The following HDGF variants were observed in gnomAD, a reference collection of about 807,000 sequenced individuals.
HDGF encodes the protein heparin binding growth factor, also known as hepatoma-derived growth factor.
HDGF carries 5 observed loss-of-function variants against 30.0 expected under a neutral mutation model. That is an observed-to-expected ratio of 0.17 (90% CI 0.09 to 0.35). The LOEUF is 0.35. Among genes scored for constraint, HDGF ranks in the 10% least tolerant of loss-of-function variants. HDGF has a pLI of 1.00. For synonymous variants in HDGF, 133 were observed against 112.7 expected, an observed-to-expected ratio of 1.18 and a Z score of -1.14; for missense variants, 214 against 302.8, an observed-to-expected ratio of 0.71 and a Z score of 2.18.
chr1:156,744,185 C>A lies in HDGF; in HGVS notation c.467G>T (p.Arg156Met). ...KEKNEKGALKRRAGDLLEDSP... is the reference protein window; with the variant it reads ...KEKNEKGALKMRAGDLLEDSP... Reference sequence around the variant, plus strand: ...TACCTCCAGCAAGTCCCCTGCTCTCCTCTTCAACGCTCCTTTCTCGTTCTT... The same window carrying A: ...TACCTCCAGCAAGTCCCCTGCTCTCATCTTCAACGCTCCTTTCTCGTTCTT... The change falls in exon 4 of 6, where the codon AGG becomes ATG. Residue 156 changes from arginine to methionine, a missense_variant. Physicochemically the swap from Arg to Met is moderately conservative, Grantham distance 91. This residue lies in a region of HDGF where 176 missense variants were observed against 211.7 expected (regional missense o/e 0.83). Transcript: ENST00000357325. 2 of 1,614,116 alleles carry A rather than the reference C, an allele frequency of 1.2e-6. No homozygotes were observed. The highest frequency in any genetic ancestry group is 1.7e-6 in the Non-Finnish European group (2 of 1,180,010).
intron 1 of HDGF, chr1:156,747,446 A>G (rs1650660815): frequency 6.6e-6 from 1 of 152,018 alleles, no homozygotes; most frequent in African/African-American, 2.4e-5. Context: ...TGGAGCAGGG[A>G]CAGAGGAGTC....
intron 1 of HDGF, among the ~76,000 whole-genome samples, chr1:156,764,746 C>T (rs1007671007): frequency 1.3e-5 from 2 of 151,602 alleles, no homozygotes; most frequent in African/African-American, 4.8e-5. Flanking sequence ...ATTAGCTGGG[C>T]ATGGCGGTGC....
intron 1 of HDGF, among the ~76,000 whole-genome samples, chr1:156,765,447 T>C (rs1406514514): frequency 7.0e-6 from 1 of 142,316 alleles, no homozygotes; most frequent in African/African-American, 2.6e-5. Context: ...TTCCTTTCTT[T>C]CCTTCTTTCC....
chr1:156,749,412 CTG>C (rs1650816296), intron 1 of HDGF, among the ~76,000 whole-genome samples: 1 of 152,210 alleles, frequency 6.6e-6, no homozygotes, highest in South Asian at 2.1e-4. Flanking sequence ...TACAAGGGGA[CTG>C]TGTCTGGGAG....
intron 3 of HDGF, chr1:156,744,709 G>C (rs952791492): frequency 1.7e-6 from 1 of 597,520 alleles, no homozygotes; most frequent in African/African-American, 2.0e-5. Context: ...TTTGTGGAAA[G>C]AGTTAAGGCT....
chr1:156,744,145 T>C lies in HDGF; in HGVS notation c.489+18A>G. Reference sequence around the variant, plus strand: ...GGAATGTTGAGGGGGGCCCAGGCCCTGGGCAGGCAGCAGTTACCTCCAGCA... The same window carrying C: ...GGAATGTTGAGGGGGGCCCAGGCCCCGGGCAGGCAGCAGTTACCTCCAGCA... On this transcript the variant is annotated intron_variant, in intron 4 of 5. Transcript: ENST00000357325. 2 of 1,612,700 alleles carry C rather than the reference T, an allele frequency of 1.2e-6. No individual in the cohort carries two copies. The highest frequency in any genetic ancestry group is 1.7e-6 in the Non-Finnish European group (2 of 1,178,732).
intron 1 of HDGF, among the ~76,000 whole-genome samples, chr1:156,762,562 C>T (rs1651268132): frequency 6.6e-6 from 1 of 151,766 alleles, no homozygotes. Flanking sequence ...CTGGTTGGGG[C>T]TTGTCATACT....
chr1:156,764,434 G>A (rs1048064268), intron 1 of HDGF, among the ~76,000 whole-genome samples: 4 of 151,478 alleles, frequency 2.6e-5, no homozygotes, highest in African/African-American at 4.9e-5. Context: ...TGACCTCAGG[G>A]GATCCGCCCG....
chr1:156,767,304 C>T (rs779031559), upstream of HDGF, among the ~76,000 whole-genome samples: 2 of 152,102 alleles, frequency 1.3e-5, no homozygotes, highest in Non-Finnish European at 2.9e-5. Context: ...TTGTAGTCAC[C>T]TCGGAATTGT....
chr1:156,766,364 C>A (rs527612967), intron 1 of HDGF, among the ~76,000 whole-genome samples: 1 of 152,300 alleles, frequency 6.6e-6, no homozygotes, highest in South Asian at 2.1e-4. Flanking sequence ...AATCTGGGAA[C>A]AGGGAGGTGG....
upstream of HDGF, chr1:156,752,339 C>A (rs1216401372): frequency 6.4e-7 from 1 of 1,551,750 alleles, no homozygotes; most frequent in Non-Finnish European, 8.7e-7. Flanking sequence ...AGTTGAGGCA[C>A]AAATTGGCCA....
upstream of HDGF, chr1:156,752,275 C>T: frequency 1.3e-6 from 2 of 1,551,796 alleles, no homozygotes; most frequent in Non-Finnish European, 1.7e-6. Flanking sequence ...AGCCCTACGT[C>T]CGCCTTTGCT....
At chr1:156,766,003 G>A (rs1022089616) in intron 1 of HDGF, among the ~76,000 whole-genome samples, 1 of 152,174 alleles carries the variant, frequency 6.6e-6, no homozygotes, top group Non-Finnish European at 1.5e-5. Context: ...AGGCTTCCAG[G>A]CCCAACCCAC....
In HDGF at chr1:156,762,055, T is replaced by C. The variant is rs1182969638; in HGVS notation, n.137-2836A>G. ...TACTCCTGAGGCTGAGGTGGGAGGA[T>C]TGCTTGAGCTGGGGAGGTCGAGGCT... On this transcript the variant is annotated intron_variant and non_coding_transcript_variant, in intron 1 of 7. Coordinates refer to the HDGF transcript ENST00000465180. Among the ~76,000 whole-genome samples the C allele has an allele frequency of 2.6e-5, 4 of 151,820 alleles. No homozygotes were observed. In the East Asian group the frequency reaches 5.8e-4, roughly 22 times the overall value.
At chr1:156,760,349 G>T (rs180685464) in intron 1 of HDGF, among the ~76,000 whole-genome samples, 12 of 152,300 alleles carry the variant, frequency 7.9e-5, no homozygotes, top group Admixed American at 6.5e-4. Flanking sequence ...GTGGGTGAGG[G>T]GGGGCCAAGT....
chr1:156,745,420 G>A, intron 1 of HDGF, 47 bp from the exon 2 acceptor site: 2 of 1,539,672 alleles, frequency 1.3e-6, no homozygotes, highest in Non-Finnish European at 1.8e-6. Flanking sequence ...CTGAGGTTTT[G>A]AGCCTGAGGC....
Position 156,751,571 on chromosome 1 carries a change from C to T in HDGF, c.-142G>A, listed in dbSNP as rs1372774000. On this transcript the variant is annotated 5_prime_UTR_variant, in exon 1 of 6. Coordinates refer to ENST00000357325, the MANE Select transcript of HDGF (RefSeq NM_004494.3). This position sits in a 1 kb window ranked among gnomAD's most constrained non-coding sequence, Gnocchi z 4.7. ...TGGTGGCCCCCGGCCCGAGCTCCGG[C>T]GCGGCCACGGCGTCTCCGCCCGCGC... 2.0e-6 allele frequency: 2 copies of T among 986,484 alleles called. No individual in the cohort carries two copies. The highest frequency in any genetic ancestry group is 2.4e-6 in the Non-Finnish European group (2 of 831,666). 61.1% of individuals were successfully genotyped at this position (986,484 alleles called of 1,614,324 possible).
chr1:156,765,417 C>T (rs1651337741), intron 1 of HDGF, among the ~76,000 whole-genome samples: 1 of 139,468 alleles, frequency 7.2e-6, no homozygotes, highest in Non-Finnish European at 1.6e-5. Context: ...TTCTTTCTTT[C>T]TTTCTTTCTC....
At chr1:156,744,705 G>A in intron 3 of HDGF, 1 of 615,606 alleles carries the variant, frequency 1.6e-6, no homozygotes, top group Non-Finnish European at 2.7e-6. Context: ...AGCCTTTGTG[G>A]AAAGAGTTAA....
Sources: allele counts gnomAD v4.1 joint callset (sites outside exome capture counted in the v4.1 genomes callset), GRCh38; gene constraint gnomAD v4.1.1; regional missense constraint gnomAD v4.1.1; non-coding constraint Gnocchi (gnomAD v3.1); transcripts MANE v1.5; gene names NCBI Gene and HGNC (gene_info 2026-07-23, HGNC 2026-07-21).